The following HEATR5A variants were observed in gnomAD, a reference collection of about 807,000 sequenced individuals.
The protein encoded by HEATR5A is HEAT repeat containing 5A, also known as HEAT repeat-containing protein 5A.
A neutral mutation model predicts 218.8 loss-of-function variants in HEATR5A; 178 were observed. The observed-to-expected ratio is 0.81, with a 90% CI of 0.72 to 0.92. The LOEUF (loss-of-function observed/expected upper bound fraction) is 0.92. Among genes scored for constraint, HEATR5A ranks in the 40% least tolerant of loss-of-function variants. The probability of loss-of-function intolerance (pLI) is 0.00; values close to 1 mark genes in which losing one functional copy is unlikely to be tolerated. For missense variants in HEATR5A, 2,420 were observed against 2,418.9 expected, an observed-to-expected ratio of 1.00 and a Z score of -0.01; for synonymous variants, 864 against 871.6, an observed-to-expected ratio of 0.99 and a Z score of 0.15.
intron 35 of HEATR5A, 114 bp downstream of exon 35, chr14:31,293,777 C>G (rs1288085898): frequency 9.6e-7 from 1 of 1,045,290 alleles, no homozygotes; most frequent in African/African-American, 1.6e-5. Context: ...TAACATAACA[C>G]CTTTCAATGA....
In HEATR5A at chr14:31,293,406, T is replaced by C. The variant is rs768434009; in HGVS notation, c.6040A>G (p.Lys2014Glu). ...ALKARLEAAI[K>E]GNQESVKVKI... is the part of the protein sequence containing the mutation. ...ACTTTGACACTTTCCTGATTGCCCT[T>C]TATAGCAGCCTCAAGGCGGGCTTTT... Residue 2014 changes from lysine (K) to glutamate (E), a missense_variant, in exon 36 of 36, where the codon AAG becomes GAG. Lys to Glu is a moderately conservative substitution (Grantham distance 56). Coordinates refer to ENST00000543095, the MANE Select transcript of HEATR5A (RefSeq NM_015473.4). The C allele has an allele frequency of 1.2e-6, 2 of 1,613,960 alleles. No individual in the cohort carries two copies. The highest frequency in any genetic ancestry group is 2.2e-5 in the South Asian group (2 of 91,082).
In HEATR5A at chr14:31,358,973, G is replaced by T; in HGVS notation, c.2156C>A (p.Pro719Gln). 6.3e-7 allele frequency: 1 copy of T among 1,590,360 alleles called. No homozygotes were observed. Among genetic ancestry groups the T allele is most frequent in the Non-Finnish European group, 8.5e-7 (1 of 1,174,456 alleles). Residue 719 changes from proline to glutamine, a missense_variant, in exon 15 of 36, where the codon CCA becomes CAA. Physicochemically the swap from Pro to Gln is moderately conservative, Grantham distance 76 (BLOSUM62 -1). Coordinates refer to ENST00000543095, the MANE Select transcript of HEATR5A (RefSeq NM_015473.4). ...IQVAASTFLL[P>Q]PLCHQDDLLI... ...AAGATCATCCTGATGACAGAGGGGTGGAAGTAAAAATGTAGATGCTGCCAC... is the reference window on the plus strand; with the variant it reads ...AAGATCATCCTGATGACAGAGGGGTTGAAGTAAAAATGTAGATGCTGCCAC...
At position 31,346,417 on chromosome 14, in the gene HEATR5A, G is replaced by A. The variant is rs192086317; in HGVS notation, c.2869-1141C>T. ...AAGTGGAGGAGGCGAGTAGTAATAT[G>A]GTAATTCAGAGGGGGAAAGCTAACT... is the stretch of plus-strand genomic sequence containing the variant. On this transcript the variant is annotated intron_variant, in intron 19 of 35. Transcript: ENST00000543095. 9.2e-5 allele frequency among the ~76,000 whole-genome samples: 14 copies of A among 152,276 alleles called. No individual in the cohort carries two copies. In the East Asian group the frequency reaches 2.7e-3, roughly 29 times the overall value.
chr14:31,293,693 AT>A, intron 35 of HEATR5A, 81 bp from the exon 36 acceptor site: 7 of 1,302,458 alleles, frequency 5.4e-6, no homozygotes, highest in Non-Finnish European at 7.3e-6. Context: ...ATCTGTATAC[AT>A]TTTTCCCCAC....
At position 31,321,558 on chromosome 14, in the gene HEATR5A, C is replaced by T; in HGVS notation, c.3910G>A (p.Ala1304Thr). The T allele has an allele frequency of 6.2e-7, 1 of 1,606,160 alleles. No individual in the cohort carries two copies. Among genetic ancestry groups the T allele is most frequent in the Non-Finnish European group, 8.5e-7 (1 of 1,176,262 alleles). ...EMLLVVIRRF[A>T]TVPEPEFPGH... ...GGAAACTCTGGTTCTGGAACAGTTG[C>T]AAATCGCCGAATAACAACTAACAGC... The change falls in exon 25 of 36, where the codon GCA (alanine) becomes ACA (threonine). Residue 1304 changes from alanine (A) to threonine (T), a missense_variant. By Grantham distance (58) the Ala-to-Thr change is moderately conservative (BLOSUM62 0). Coordinates refer to ENST00000543095, the MANE Select transcript of HEATR5A (RefSeq NM_015473.4).
intron 33 of HEATR5A, 47 bp downstream of exon 33, chr14:31,302,248 C>G (rs1249910544): frequency 1.5e-6 from 2 of 1,368,942 alleles, no homozygotes; most frequent in African/African-American, 1.4e-5. Context: ...AACTCTTCTT[C>G]TCACTTTTTA....
chr14:31,364,062 T>C, intron 14 of HEATR5A, 127 bp downstream of exon 14: 1 of 543,422 alleles, frequency 1.8e-6, no homozygotes, highest in East Asian at 3.0e-5. Context: ...TCCCTAAACC[T>C]CCTAGAAACA....
intron 11 of HEATR5A, among the ~76,000 whole-genome samples, chr14:31,376,217 C>T (rs548953915): frequency 6.6e-6 from 1 of 152,234 alleles, no homozygotes; most frequent in South Asian, 2.1e-4. Context: ...TGAGTTTATA[C>T]ACAGAAGAGT....
intron 14 of HEATR5A, among the ~76,000 whole-genome samples, chr14:31,363,219 A>AGTG (rs1901686027): frequency 6.6e-6 from 1 of 151,602 alleles, no homozygotes; most frequent in Non-Finnish European, 1.5e-5. Context: ...AGCCTGGGGG[A>AGTG]CAGAGCAAGA....
Position 31,383,516 on chromosome 14 carries a change from AT to A in HEATR5A, c.1596+4del. ...ATTATCATACATAGAGAATGAAATC[AT>A]TACCTTGCCTTTTCCATGAGGAATT... On this transcript the variant is annotated splice_donor_region_variant and intron_variant, in intron 10 of 35. Coordinates refer to ENST00000543095, the MANE Select transcript of HEATR5A (RefSeq NM_015473.4). 6.2e-7 allele frequency: 1 copy of A among 1,608,444 alleles called. No individual in the cohort carries two copies. Among genetic ancestry groups the A allele is most frequent in the South Asian group, 1.1e-5 (1 of 90,772 alleles).
At chr14:31,323,214 G>A (rs1230526014) in intron 24 of HEATR5A, among the ~76,000 whole-genome samples, 1 of 152,190 alleles carries the variant, frequency 6.6e-6, no homozygotes, top group East Asian at 1.9e-4. Flanking sequence ...ATTTAAACAT[G>A]AAGTGATGTG....
chr14:31,327,353 G>C (rs1176706393), intron 22 of HEATR5A, among the ~76,000 whole-genome samples: 1 of 140,060 alleles, frequency 7.1e-6, no homozygotes, highest in Admixed American at 8.0e-5. Flanking sequence ...GAGTGCAGTG[G>C]CATAATCTTG....
At position 31,350,669 on chromosome 14, in the gene HEATR5A, T is replaced by A. The variant is rs764515175; in HGVS notation, c.2460A>T (p.Gly820=). The A allele has an allele frequency of 6.2e-7, 1 of 1,602,838 alleles. No individual in the cohort carries two copies. Among genetic ancestry groups the A allele is most frequent in the Non-Finnish European group, 8.5e-7 (1 of 1,173,006 alleles). The change falls in exon 17 of 36, where the codon GGA becomes GGT. Residue 820 remains glycine, a synonymous_variant. Coordinates refer to ENST00000543095, the MANE Select transcript of HEATR5A (RefSeq NM_015473.4). ...GTAACTGAACCACTTGCTGACGAGC[T>A]CCTTTTGTGTGCTTTATACTGTCCA... ...QLLDSIKHTK[G]ARQQVVQLHV...
chr14:31,371,109 C>T (rs564862306), intron 13 of HEATR5A, among the ~76,000 whole-genome samples: 1 of 152,162 alleles, frequency 6.6e-6, no homozygotes, highest in Non-Finnish European at 1.5e-5. Context: ...TTCATTCATT[C>T]ATTCATTCAC....
intron 10 of HEATR5A, 76 bp from the exon 11 acceptor site, chr14:31,380,654 C>T (rs1205680671): frequency 1.1e-6 from 1 of 883,980 alleles, no homozygotes; most frequent in South Asian, 1.5e-5. Flanking sequence ...CTAACAATAT[C>T]TTGAAAAATT....
chr14:31,347,838 A>T lies in HEATR5A; in HGVS notation c.2778T>A (p.Tyr926Ter). The change falls in exon 19 of 36, where the codon TAT becomes TAA. Residue 926 changes from tyrosine to a stop codon, truncating the protein, a stop_gained. Transcript: ENST00000543095. LOFTEE classifies it high-confidence loss of function. ...GTTGAGAAGAACTTATTCCTCCTAA[A>T]TACCTATGTAGGGACCCCAAGGCCA... The part of the protein sequence containing the change: ...HSLALGSLHR[Y>*]LGGISSSQHL... The T allele has an allele frequency of 6.3e-7, 1 of 1,599,720 alleles. No individual in the cohort carries two copies. The highest frequency in any genetic ancestry group is 8.5e-7 in the Non-Finnish European group (1 of 1,172,800).
intron 26 of HEATR5A, 70 bp from the exon 27 acceptor site, chr14:31,316,019 C>A: frequency 8.0e-7 from 1 of 1,253,592 alleles, no homozygotes; most frequent in South Asian, 1.7e-5. Flanking sequence ...TGTGGTGGCT[C>A]ATGCCTGTAA....
In HEATR5A at chr14:31,308,506, TAAAAAAAAAAAA is replaced by T. The variant is rs34745602; in HGVS notation, c.4690+416_4690+427del. Among the ~76,000 whole-genome samples the T allele has an allele frequency of 5.6e-5, 7 of 125,912 alleles. No individual in the cohort carries two copies. In the East Asian group the frequency reaches 1.6e-3, roughly 30 times the overall value. The allele number at this position is 125,912 out of a possible 152,430, so 82.6% of individuals were successfully genotyped here. The stretch of plus-strand genomic sequence containing the variant: ...TGGGCAACAAGAGCAAAACTCTGTC[TAAAAAAAAAAAA>T]AAAAAAAATCTAAACTAGGCTTGTG... On this transcript the variant is annotated intron_variant, in intron 29 of 35. Transcript: ENST00000543095.
chr14:31,325,240 CATTT>C lies in HEATR5A; in HGVS notation c.3547+919_3547+922del, dbSNP rs1460987414. Among the ~76,000 whole-genome samples, 14 of 152,120 alleles carry C rather than the reference CATTT, an allele frequency of 9.2e-5. No homozygotes were observed. In the East Asian group the frequency reaches 2.7e-3, roughly 30 times the overall value. ...TGGTTTTTCTCTTCTCTCTTCCTCT[CATTT>C]ATTTTCTCTCTTACTCCAAGGATAC... is the stretch of plus-strand genomic sequence containing the variant. On this transcript the variant is annotated intron_variant, in intron 23 of 35. Transcript: ENST00000543095.
Sources: allele counts gnomAD v4.1 joint callset (sites outside exome capture counted in the v4.1 genomes callset), GRCh38; gene constraint gnomAD v4.1.1; transcripts MANE v1.5; gene names NCBI Gene and HGNC (gene_info 2026-07-23, HGNC 2026-07-21).